Variants in MYCBP2 observed in about 807,000 individuals in gnomAD.
MYCBP2 encodes MYC binding protein 2, also known as E3 ubiquitin-protein ligase MYCBP2.
In MYCBP2, 120 loss-of-function variants were observed where a neutral mutation model predicts 525.3. The ratio of observed to expected loss-of-function variants is 0.23; its 90% confidence interval spans 0.20 to 0.27. MYCBP2 has a LOEUF of 0.27. MYCBP2 is among the 10% of genes least tolerant of loss of function. The pLI, the probability that MYCBP2 is intolerant of heterozygous loss-of-function variation, is 1.00. For synonymous variants in MYCBP2, 1,894 were observed against 1,955.8 expected (o/e 0.97, Z 0.83); for missense variants, 4,149 against 5,657.1 (o/e 0.73, Z 8.55).
At chr13:77,261,704 T>G (rs1651463024) in intron 11 of MYCBP2, among the ~76,000 whole-genome samples, 1 of 151,548 alleles carries the variant, frequency 6.6e-6, no homozygotes. Flanking sequence ...AATAAAGAAG[T>G]CTGAAATATT....
chr13:77,180,196 G>T lies in MYCBP2; in HGVS notation c.5064C>A (p.Leu1688=). The T allele has an allele frequency of 6.2e-7, 1 of 1,614,120 alleles. No individual in the cohort carries two copies. Among genetic ancestry groups the T allele is most frequent in the Non-Finnish European group, 8.5e-7 (1 of 1,180,008 alleles). Residue 1688 remains leucine (L), a synonymous_variant, in exon 34 of 83, where the codon CTC becomes CTA. Coordinates refer to ENST00000544440, the MANE Select transcript of MYCBP2 (RefSeq NM_015057.5). ...RRENELFSSH[L]VSNTCGLLAS... ...CCAGTAATCCACAGGTGTTAGAGACGAGGTGGGAGGAGAAGAGTTCATTTT... is the reference window on the plus strand; with the variant it reads ...CCAGTAATCCACAGGTGTTAGAGACTAGGTGGGAGGAGAAGAGTTCATTTT...
chr13:77,232,158 G>A (rs1382792368), intron 18 of MYCBP2, among the ~76,000 whole-genome samples: 1 of 151,942 alleles, frequency 6.6e-6, no homozygotes, highest in Non-Finnish European at 1.5e-5. Context: ...AAAATAAAGT[G>A]GATTATACTA....
intron 10 of MYCBP2, among the ~76,000 whole-genome samples, chr13:77,262,791 T>C (rs906110284): frequency 1.3e-5 from 2 of 152,060 alleles, no homozygotes; most frequent in African/African-American, 2.4e-5. Context: ...TTTATGACTT[T>C]GTCCAGCTAT....
chr13:77,289,341 A>G (rs1379505968), intron 2 of MYCBP2, among the ~76,000 whole-genome samples: 1 of 152,180 alleles, frequency 6.6e-6, no homozygotes, highest in Non-Finnish European at 1.5e-5. Context: ...AGCTATTCAA[A>G]TCCAACAATA....
At chr13:77,239,802 G>A (rs1183261990) in intron 17 of MYCBP2, among the ~76,000 whole-genome samples, 2 of 152,156 alleles carry the variant, frequency 1.3e-5, no homozygotes, top group Non-Finnish European at 2.9e-5. Flanking sequence ...ACCTGAAAGA[G>A]AGTCCTCCAT....
Position 77,180,284 on chromosome 13 carries a change from C to G in MYCBP2, c.4976G>C (p.Arg1659Pro), listed in dbSNP as rs749105386. The change falls in exon 34 of 83, where the codon CGT becomes CCT. Residue 1659 changes from arginine (R) to proline (P), a missense_variant. Arg to Pro is a moderately radical substitution (Grantham distance 103). Around this residue, in one of 21 missense-constraint regions of MYCBP2, gnomAD observed 292 missense variants for 330.5 expected, o/e 0.88. Coordinates refer to ENST00000544440, the MANE Select transcript of MYCBP2 (RefSeq NM_015057.5). ...EENISGMTSF[R>P]EVLEKMLVIV... ...GACCAGCATTTTCTCCAGAACTTCACGGAAGCTTGTCATCCCTGAGATATT... is the reference window on the plus strand; with the variant it reads ...GACCAGCATTTTCTCCAGAACTTCAGGGAAGCTTGTCATCCCTGAGATATT... The G allele has an allele frequency of 3.1e-6, 5 of 1,613,966 alleles. No individual in the cohort carries two copies. The East Asian group carries it at 1.1e-4, about 36-fold the overall frequency.
intron 44 of MYCBP2, among the ~76,000 whole-genome samples, chr13:77,159,587 T>C (rs1212479650): frequency 1.3e-5 from 2 of 152,188 alleles, no homozygotes; most frequent in Non-Finnish European, 2.9e-5. Context: ...GACTGAATCA[T>C]GGGGGCAGAC....
intron 2 of MYCBP2, among the ~76,000 whole-genome samples, chr13:77,294,127 T>TATACATATATATATAC (rs2077868830): frequency 1.6e-5 from 1 of 60,858 alleles, no homozygotes; most frequent in South Asian, 5.0e-4. Flanking sequence ...TATATATATA[T>TATACATATATATATAC]ATACATATAT....
At chr13:77,311,103 T>A (rs2154375807) in intron 1 of MYCBP2, among the ~76,000 whole-genome samples, 1 of 152,330 alleles carries the variant, frequency 6.6e-6, no homozygotes, top group Middle Eastern at 3.4e-3. Context: ...CAGCTTTGCC[T>A]GAAGGCCAGG....
intron 4 of MYCBP2, among the ~76,000 whole-genome samples, chr13:77,274,107 T>C (rs778053469): frequency 6.6e-6 from 1 of 152,204 alleles, no homozygotes; most frequent in Non-Finnish European, 1.5e-5. Flanking sequence ...TAATATAAAA[T>C]TGGCTATATC....
chr13:77,169,277 T>C (rs1055856842), intron 39 of MYCBP2, among the ~76,000 whole-genome samples: 1 of 151,306 alleles, frequency 6.6e-6, no homozygotes, highest in Admixed American at 6.6e-5. Flanking sequence ...GCGCCTGTAG[T>C]CCCAGCAACT....
chr13:77,057,057 G>A lies in MYCBP2; in HGVS notation c.13366C>T (p.Arg4456Trp), dbSNP rs151151149. 1.8e-5 allele frequency: 29 copies of A among 1,613,612 alleles called. No individual in the cohort carries two copies. Among genetic ancestry groups the A allele is most frequent in the African/African-American group, 1.2e-4 (9 of 74,900 alleles). The stretch of plus-strand genomic sequence containing the variant: ...AGCCATCGATTTTCTAATACTCGCC[G>A]ACAGCACTGTAAGTGGAATATGTGA... ...CSHIFHLQCC[R>W]RVLENRWLGP... Residue 4456 changes from arginine (R) to tryptophan (W), a missense_variant, in exon 79 of 83, where the codon CGG becomes TGG. By Grantham distance (101) the Arg-to-Trp change is moderately radical (BLOSUM62 -3). Coordinates refer to ENST00000544440, the MANE Select transcript of MYCBP2 (RefSeq NM_015057.5).
chr13:77,179,450 G>A (rs2060011078), intron 34 of MYCBP2, among the ~76,000 whole-genome samples: 1 of 152,138 alleles, frequency 6.6e-6, no homozygotes, highest in East Asian at 1.9e-4. Flanking sequence ...GTAAGGCAGT[G>A]AAATGGAATA....
chr13:77,203,715 G>A (rs1247025659), intron 26 of MYCBP2, among the ~76,000 whole-genome samples: 2,511 of 152,012 alleles, frequency 0.017, 22 homozygotes, highest in South Asian at 0.029. Context: ...TCAATGGAAC[G>A]GAACAGAGCC....
At position 77,243,096 on chromosome 13, in the gene MYCBP2, T is replaced by G. The variant is rs1194976589; in HGVS notation, c.2592A>C (p.Gln864His). 1 of 1,614,012 alleles carries G rather than the reference T, an allele frequency of 6.2e-7. No homozygotes were observed. The highest frequency in any genetic ancestry group is 8.5e-7 in the Non-Finnish European group (1 of 1,180,018). ...HLQLRQEEKR[Q>H]RVIRRHRLEE... ...CTAATCTGTGCCTTCTGATTACACG[T>G]TGCCGTTTTTCTTCTTGTCGTAACT... The change falls in exon 17 of 83, where the codon CAA becomes CAC. Residue 864 changes from glutamine (Q) to histidine (H), a missense_variant. By Grantham distance (24) the Gln-to-His change is conservative (BLOSUM62 0). Coordinates refer to ENST00000544440, the MANE Select transcript of MYCBP2 (RefSeq NM_015057.5).
rs1382628273 is a variant in MYCBP2, at chr13:77,294,115, T to TACATATATAC, written c.378+2483_378+2484insGTATATATGT. The stretch of plus-strand genomic sequence containing the variant: ...AGTAGATATAATGGCTATATATATA[T>TACATATATAC]ATATATATATATATACATATATATA... On this transcript the variant is annotated intron_variant, in intron 2 of 82. Transcript: ENST00000544440. 2.0e-4 allele frequency among the ~76,000 whole-genome samples: 11 copies of TACATATATAC among 53,798 alleles called. 1 individual carries two copies. Among genetic ancestry groups the TACATATATAC allele is most frequent in the African/African-American group, 5.1e-4 (11 of 21,374 alleles). 35.3% of individuals were successfully genotyped at this position (53,798 alleles called of 152,430 possible). A position where few individuals can be genotyped will look rare whatever the true frequency, so the allele number is the denominator to read the frequency against.
rs902854630 is a variant in MYCBP2, at chr13:77,045,012, A to G, written c.*366T>C. On this transcript the variant is annotated 3_prime_UTR_variant, in exon 83 of 83. Transcript: ENST00000544440. Reference sequence around the variant, plus strand: ...TACAAAAAGGCAGTATACAATAAACAATGATTATTTTTCTTTTTTGCTTGA... The same window carrying G: ...TACAAAAAGGCAGTATACAATAAACGATGATTATTTTTCTTTTTTGCTTGA... 2 of 404,734 alleles carry G rather than the reference A, an allele frequency of 4.9e-6. No homozygotes were observed. Among genetic ancestry groups the G allele is most frequent in the Non-Finnish European group, 8.7e-6 (2 of 229,314 alleles). The allele number at this position is 404,734 out of a possible 1,614,324, so 25.1% of individuals were successfully genotyped here.
chr13:77,217,349 G>A (rs980151181), intron 21 of MYCBP2, among the ~76,000 whole-genome samples: 7 of 152,186 alleles, frequency 4.6e-5, no homozygotes, highest in Non-Finnish European at 8.8e-5. Flanking sequence ...GGTGCAGAGA[G>A]AGGGAGAGAA....
At chr13:77,284,149 A>C (rs2076487821) in intron 3 of MYCBP2, among the ~76,000 whole-genome samples, 1 of 152,166 alleles carries the variant, frequency 6.6e-6, no homozygotes, top group African/African-American at 2.4e-5. Context: ...TAACTAAATA[A>C]TAATTTAAAA....
Sources: gnomAD v4.1 joint callset for allele counts (sites outside exome capture counted in the v4.1 genomes callset) on GRCh38, gnomAD v4.1.1 for gene constraint, gnomAD v4.1.1 regional missense constraint, MANE v1.5 for transcripts, NCBI Gene and HGNC (gene_info 2026-07-23, HGNC 2026-07-21) for gene names.